The following TNIK variants were observed in gnomAD, a reference collection of about 807,000 sequenced individuals.
TNIK encodes TRAF2 and NCK interacting kinase, also known as TRAF2 and NCK-interacting protein kinase.
Under a neutral mutation model 191.3 loss-of-function variants are expected in TNIK, and 49 were observed. The observed-to-expected ratio is 0.26, with a 90% CI of 0.20 to 0.32. TNIK has a LOEUF of 0.32. Among genes scored for constraint, TNIK ranks in the 10% least tolerant of loss-of-function variants. The pLI, the probability that TNIK is intolerant of heterozygous loss-of-function variation, is 1.00. For missense variants in TNIK, 1,155 were observed against 1,702.3 expected, an observed-to-expected ratio of 0.68 and a Z score of 5.66; for synonymous variants, 594 against 600.9, an observed-to-expected ratio of 0.99 and a Z score of 0.17.
At chr3:171,249,166 A>T (rs1745952833) in intron 2 of TNIK, among the ~76,000 whole-genome samples, 2 of 152,238 alleles carry the variant, frequency 1.3e-5, no homozygotes, top group South Asian at 4.1e-4. Flanking sequence ...CAACAAAAAT[A>T]GTTAAGAACC....
Position 171,062,638 on chromosome 3 carries a change from A to C in TNIK, c.*1243T>G, listed in dbSNP as rs972108057. 1 of 152,188 alleles carries C rather than the reference A, an allele frequency of 6.6e-6. No homozygotes were observed. Among genetic ancestry groups the C allele is most frequent in the African/African-American group, 2.4e-5 (1 of 41,452 alleles). 9.4% of individuals were successfully genotyped at this position (152,188 alleles called of 1,614,324 possible). A position where few individuals can be genotyped will look rare whatever the true frequency, so the allele number is the denominator to read the frequency against. ...AAGGTAAAGTGATTAGGGTCTCAAA[A>C]TTTTGTCCAAAGCCTTGCTTTCAAG... On this transcript the variant is annotated 3_prime_UTR_variant, in exon 33 of 33. Coordinates refer to ENST00000436636, the MANE Select transcript of TNIK (RefSeq NM_015028.4).
Position 171,085,242 on chromosome 3 carries a change from CAAG to C in TNIK, c.2887-16_2887-14del, listed in dbSNP as rs1721196195. 3 of 1,594,824 alleles carry C rather than the reference CAAG, an allele frequency of 1.9e-6. No individual in the cohort carries two copies. The highest frequency in any genetic ancestry group is 2.2e-5 in the East Asian group (1 of 44,500). ...TCCCCATGCCATACTAATCAATAAG[CAAG>C]AAGATTAAGAAGAGCAGATAAATAC... On this transcript the variant is annotated splice_polypyrimidine_tract_variant and intron_variant, in intron 24 of 32. Coordinates refer to ENST00000436636, the MANE Select transcript of TNIK (RefSeq NM_015028.4).
chr3:171,448,524 C>A (rs1226488181), intron 1 of TNIK, among the ~76,000 whole-genome samples: 1 of 148,034 alleles, frequency 6.8e-6, no homozygotes, highest in African/African-American at 2.5e-5. Flanking sequence ...TTGATGGACA[C>A]TTGGGTTGTC....
intron 4 of TNIK, among the ~76,000 whole-genome samples, chr3:171,201,264 T>C (rs1446035627): frequency 6.6e-6 from 1 of 152,080 alleles, no homozygotes; most frequent in Non-Finnish European, 1.5e-5. Flanking sequence ...GCAGGCGTGG[T>C]GGTGCATGCC....
intron 2 of TNIK, among the ~76,000 whole-genome samples, chr3:171,294,966 C>T (rs1023080946): frequency 6.7e-6 from 1 of 150,270 alleles, no homozygotes; most frequent in African/African-American, 2.5e-5. Flanking sequence ...CCATCTTCAA[C>T]AGAGATCTCA....
At chr3:171,149,231 G>C (rs753609877) in intron 12 of TNIK, among the ~76,000 whole-genome samples, 13 of 152,130 alleles carry the variant, frequency 8.5e-5, no homozygotes, top group Admixed American at 7.9e-4. Context: ...CGGAGGGTAG[G>C]TCTGTGTGAT....
rs1209077187 is a variant in TNIK, at chr3:171,110,713, C to T, written c.2284+1G>A. The T allele has an allele frequency of 6.3e-7, 1 of 1,585,176 alleles. No individual in the cohort carries two copies. The highest frequency in any genetic ancestry group is 8.6e-7 in the Non-Finnish European group (1 of 1,165,188). On this transcript the variant is annotated splice_donor_variant, in intron 19 of 32. Transcript: ENST00000436636. LOFTEE classifies it high-confidence loss of function. Reference sequence around the variant, plus strand: ...CAGGTAAAGGTAAGAGAAAGTTTTACCTCGAACTCTGGTGCGTTCACTGGA... The same window carrying T: ...CAGGTAAAGGTAAGAGAAAGTTTTATCTCGAACTCTGGTGCGTTCACTGGA...
At chr3:171,272,517 A>G (rs1362224106) in intron 2 of TNIK, among the ~76,000 whole-genome samples, 1 of 152,042 alleles carries the variant, frequency 6.6e-6, no homozygotes, top group East Asian at 1.9e-4. Flanking sequence ...CATAAATCCT[A>G]TATGTTTTTC....
At chr3:171,370,219 T>C in intron 1 of TNIK, among the ~76,000 whole-genome samples, 1 of 152,198 alleles carries the variant, frequency 6.6e-6, no homozygotes, top group East Asian at 1.9e-4. Context: ...CAGAAAGTTT[T>C]TCTTTGGATT....
chr3:171,318,176 C>A (rs1203492976), intron 2 of TNIK, among the ~76,000 whole-genome samples: 1 of 152,142 alleles, frequency 6.6e-6, no homozygotes, highest in Non-Finnish European at 1.5e-5. Context: ...CTGAACCTGG[C>A]CTATAGATTG....
chr3:171,322,376 G>A (rs1160022716), intron 2 of TNIK, among the ~76,000 whole-genome samples: 3 of 151,918 alleles, frequency 2.0e-5, no homozygotes, highest in Non-Finnish European at 4.4e-5. Context: ...TGTCAAATAA[G>A]TCAGAAAAAG....
intron 2 of TNIK, among the ~76,000 whole-genome samples, chr3:171,304,575 GCA>G: frequency 6.6e-6 from 1 of 152,114 alleles, no homozygotes; most frequent in East Asian, 1.9e-4. Context: ...GTTTATTGCG[GCA>G]CTATTCACAA....
chr3:171,230,583 C>T (rs1044848786), intron 2 of TNIK, among the ~76,000 whole-genome samples: 4 of 152,060 alleles, frequency 2.6e-5, no homozygotes, highest in African/African-American at 7.2e-5. Context: ...AAACTGTTTG[C>T]GCTTCTGTAA....
chr3:171,347,617 A>G (rs538609374), intron 2 of TNIK, among the ~76,000 whole-genome samples: 1 of 152,192 alleles, frequency 6.6e-6, no homozygotes, highest in Non-Finnish European at 1.5e-5. Flanking sequence ...TTTAGCGTAC[A>G]ATACCCAGGA....
At chr3:171,433,104 T>C (rs72622533) in intron 1 of TNIK, among the ~76,000 whole-genome samples, 17,079 of 152,176 alleles carry the variant, frequency 0.11, 1,825 homozygotes, top group East Asian at 0.56. Flanking sequence ...ATTAAAGGAT[T>C]CCTTTTTTAA....
chr3:171,118,876 T>C (rs576193955), intron 18 of TNIK, among the ~76,000 whole-genome samples: 3 of 152,330 alleles, frequency 2.0e-5, no homozygotes, highest in Non-Finnish European at 4.4e-5. Context: ...GACATAGGCA[T>C]GGACAAGGAC....
At chr3:171,249,708 TTAA>T (rs1746015341) in intron 2 of TNIK, among the ~76,000 whole-genome samples, 1 of 152,170 alleles carries the variant, frequency 6.6e-6, no homozygotes, top group Non-Finnish European at 1.5e-5. Context: ...ACGATATATA[TTAA>T]GTGAGGAGCC....
intron 19 of TNIK, 59 bp downstream of exon 19, chr3:171,110,655 C>A: frequency 6.7e-7 from 1 of 1,500,248 alleles, no homozygotes; most frequent in South Asian, 1.3e-5. Context: ...AACCTTTTTC[C>A]CTGTCCACAG....
At chr3:171,266,118 G>A (rs1391773440) in intron 2 of TNIK, among the ~76,000 whole-genome samples, 1 of 152,180 alleles carries the variant, frequency 6.6e-6, no homozygotes, top group East Asian at 1.9e-4. Flanking sequence ...GAAAAGATGG[G>A]GGGAAGATAG....
Sources: gnomAD v4.1 joint callset for allele counts (sites outside exome capture counted in the v4.1 genomes callset) on GRCh38, gnomAD v4.1.1 for gene constraint, MANE v1.5 for transcripts, NCBI Gene and HGNC (gene_info 2026-07-23, HGNC 2026-07-21) for gene names.